LRRTM4: variants seen among roughly 807,000 people sequenced by gnomAD.
The protein encoded by LRRTM4 is leucine rich repeat transmembrane neuronal 4, also known as leucine-rich repeat transmembrane neuronal protein 4.
LRRTM4 carries 25 observed loss-of-function variants against 47.6 expected under a neutral mutation model. The ratio of observed to expected loss-of-function variants is 0.53; its 90% CI spans 0.38 to 0.73. LRRTM4 has a LOEUF of 0.73. Ranked by LOEUF, LRRTM4 falls within the 30% of genes least tolerant of loss-of-function variation. The probability of loss-of-function intolerance (pLI) is 0.00; values close to 1 mark genes in which losing one functional copy is unlikely to be tolerated. For synonymous variants in LRRTM4, 311 were observed against 269.5 expected (o/e 1.15, Z -1.51); for missense variants, 638 against 713.4 (o/e 0.89, Z 1.20).
chr2:77,513,625 G>A (rs1382482704), intron 3 of LRRTM4, among the ~76,000 whole-genome samples: 1 of 152,234 alleles, frequency 6.6e-6, no homozygotes, highest in African/African-American at 2.4e-5. Flanking sequence ...CAGGACTGCA[G>A]TAGTGCAATC....
chr2:77,018,805 TAAAC>T (rs942595218), intron 3 of LRRTM4, among the ~76,000 whole-genome samples: 2 of 138,076 alleles, frequency 1.4e-5, no homozygotes, highest in Admixed American at 7.3e-5. Flanking sequence ...TTGCACATAA[TAAAC>T]AATTGGTATG....
chr2:77,231,904 A>G (rs976753641), intron 3 of LRRTM4, among the ~76,000 whole-genome samples: 1 of 152,182 alleles, frequency 6.6e-6, no homozygotes, highest in South Asian at 2.1e-4. Context: ...TTTCTGATTT[A>G]TTCTTTTATA....
At chr2:77,462,122 G>T (rs1009854141) in intron 3 of LRRTM4, among the ~76,000 whole-genome samples, 3 of 151,962 alleles carry the variant, frequency 2.0e-5, no homozygotes, top group Non-Finnish European at 4.4e-5. Context: ...CATATACTTT[G>T]TTCCAACAAT....
chr2:77,485,588 C>T (rs1163249644), intron 3 of LRRTM4, among the ~76,000 whole-genome samples: 1 of 152,052 alleles, frequency 6.6e-6, no homozygotes, highest in Admixed American at 6.5e-5. Context: ...TTGGATGTTG[C>T]TAGGAAAATA....
At chr2:77,209,510 G>A (rs1674234330) in intron 3 of LRRTM4, among the ~76,000 whole-genome samples, 1 of 151,988 alleles carries the variant, frequency 6.6e-6, no homozygotes, top group South Asian at 2.1e-4. Flanking sequence ...TTGCAGTAGT[G>A]GGGTCAATGT....
chr2:77,244,303 G>T (rs1675363159), intron 3 of LRRTM4, among the ~76,000 whole-genome samples: 1 of 147,086 alleles, frequency 6.8e-6, no homozygotes, highest in African/African-American at 2.6e-5. Flanking sequence ...GGATGGCTGG[G>T]TTAAATGGTA....
chr2:77,456,481 G>A (rs1676546761), intron 3 of LRRTM4, among the ~76,000 whole-genome samples: 1 of 151,980 alleles, frequency 6.6e-6, no homozygotes, highest in African/African-American at 2.4e-5. Context: ...TATTCCTTTT[G>A]ACTCATTCAT....
At chr2:77,103,938 G>A (rs1027354573) in intron 3 of LRRTM4, among the ~76,000 whole-genome samples, 2 of 151,784 alleles carry the variant, frequency 1.3e-5, no homozygotes, top group East Asian at 1.9e-4. Flanking sequence ...TAAATCAGTC[G>A]GATCTCAGTT....
chr2:77,042,359 TTC>T (rs1279572306), intron 3 of LRRTM4, among the ~76,000 whole-genome samples: 8 of 151,698 alleles, frequency 5.3e-5, no homozygotes, highest in African/African-American at 1.7e-4. Context: ...TTTATGGAAA[TTC>T]TGTGTTCAAT....
intron 3 of LRRTM4, among the ~76,000 whole-genome samples, chr2:77,082,341 C>T (rs1441600306): frequency 6.6e-6 from 1 of 152,008 alleles, no homozygotes; most frequent in African/African-American, 2.4e-5. Flanking sequence ...TCATATTGAA[C>T]TCTATGCGAG....
intron 3 of LRRTM4, among the ~76,000 whole-genome samples, chr2:77,052,812 A>AT (rs1474476095): frequency 6.6e-6 from 1 of 152,134 alleles, no homozygotes; most frequent in South Asian, 2.1e-4. Flanking sequence ...CTGACACAGA[A>AT]TTTTTTTAAA....
chr2:77,376,060 A>G (rs377716927), intron 3 of LRRTM4, among the ~76,000 whole-genome samples: 16 of 151,852 alleles, frequency 1.1e-4, no homozygotes, highest in Non-Finnish European at 1.9e-4. Flanking sequence ...AGTTGTTAAT[A>G]TCTTGCTACA....
At chr2:77,242,971 C>T (rs574498757) in intron 3 of LRRTM4, among the ~76,000 whole-genome samples, 5 of 152,194 alleles carry the variant, frequency 3.3e-5, no homozygotes, top group African/African-American at 1.2e-4. Flanking sequence ...GGAAACAACC[C>T]AAGCGTCTAT....
At chr2:77,127,543 T>C (rs146140066) in intron 3 of LRRTM4, among the ~76,000 whole-genome samples, 112 of 152,316 alleles carry the variant, frequency 7.4e-4, no homozygotes, top group African/African-American at 2.4e-3. Flanking sequence ...AAAATGATGA[T>C]ATGGCACATT....
intron 3 of LRRTM4, among the ~76,000 whole-genome samples, chr2:76,966,560 T>C (rs949845582): frequency 2.3e-4 from 35 of 151,296 alleles, no homozygotes; most frequent in African/African-American, 4.1e-4. Flanking sequence ...AAGAAGAAAA[T>C]CCCTCAATTC....
chr2:77,522,234 G>C lies in LRRTM4; in HGVS notation c.-273C>G, dbSNP rs1236583915. Reference sequence around the variant, plus strand: ...AGACCCCAGTTTAAAAGCTATGCAGGCTAGGTTTATCCATTTAGCTGGTCA... The same window carrying C: ...AGACCCCAGTTTAAAAGCTATGCAGCCTAGGTTTATCCATTTAGCTGGTCA... On this transcript the variant is annotated 5_prime_UTR_variant, in exon 1 of 4. Coordinates refer to ENST00000409884, the MANE Select transcript of LRRTM4 (RefSeq NM_001134745.3). The C allele has an allele frequency of 2.2e-5, 15 of 666,988 alleles. No individual in the cohort carries two copies. The highest frequency in any genetic ancestry group is 4.1e-5 in the Non-Finnish European group (15 of 363,196). 41.3% of individuals were successfully genotyped at this position (666,988 alleles called of 1,614,324 possible). A position where few individuals can be genotyped will look rare whatever the true frequency, so the allele number is the denominator to read the frequency against.
chr2:77,264,641 T>G lies in LRRTM4; in HGVS notation c.1551+253677A>C, dbSNP rs560783045. Among the ~76,000 whole-genome samples the G allele has an allele frequency of 2.6e-4, 39 of 152,252 alleles. No individual in the cohort carries two copies. The South Asian group carries it at 5.8e-3, about 23-fold the overall frequency. On this transcript the variant is annotated intron_variant, in intron 3 of 3. Coordinates refer to ENST00000409884, the MANE Select transcript of LRRTM4 (RefSeq NM_001134745.3). The stretch of plus-strand genomic sequence containing the variant: ...ACAGCAAATCACTGGGAAAAGCATT[T>G]TATTTTATTGAGATTATTTGTCTTT...
At chr2:77,051,225 G>T (rs1679421586) in intron 3 of LRRTM4, among the ~76,000 whole-genome samples, 1 of 151,770 alleles carries the variant, frequency 6.6e-6, no homozygotes, top group South Asian at 2.1e-4. Context: ...ACACAACAAA[G>T]AACTATCTAG....
intron 3 of LRRTM4, among the ~76,000 whole-genome samples, chr2:76,874,479 G>T (rs1672724162): frequency 6.6e-6 from 1 of 151,942 alleles, no homozygotes. Context: ...TAACTGGGGT[G>T]AATGAGTGGT....
Sources: gnomAD v4.1 joint callset for allele counts (sites outside exome capture counted in the v4.1 genomes callset) on GRCh38, gnomAD v4.1.1 for gene constraint, MANE v1.5 for transcripts, NCBI Gene and HGNC (gene_info 2026-07-23, HGNC 2026-07-21) for gene names.